The following SEMA5A variants were observed in gnomAD, a reference collection of about 807,000 sequenced individuals.
SEMA5A encodes semaphorin-5A.
Under a neutral mutation model 135.5 loss-of-function variants are expected in SEMA5A, and 55 were observed. The observed-to-expected ratio is 0.41, with a 90% CI of 0.33 to 0.51. The LOEUF is 0.51. Among genes scored for constraint, SEMA5A ranks in the 20% least tolerant of loss-of-function variants. The probability of loss-of-function intolerance (pLI) is 0.37; values close to 1 mark genes in which losing one functional copy is unlikely to be tolerated. For synonymous variants in SEMA5A, 580 were observed against 546.5 expected (o/e 1.06, Z -0.85); for missense variants, 1,290 against 1,419.9 (o/e 0.91, Z 1.47).
chr5:9,386,541 A>G (rs1561210166), intron 2 of SEMA5A, among the ~76,000 whole-genome samples: 1 of 152,104 alleles, frequency 6.6e-6, no homozygotes, highest in Non-Finnish European at 1.5e-5. Flanking sequence ...TGCTGATGTC[A>G]TGAGCCCCTC....
intron 22 of SEMA5A, among the ~76,000 whole-genome samples, chr5:9,043,872 G>A (rs1447063506): frequency 6.6e-6 from 1 of 152,252 alleles, no homozygotes; most frequent in Non-Finnish European, 1.5e-5. Flanking sequence ...AAGCTGATGT[G>A]TTGGAATCAT....
chr5:9,353,088 GGAAAGGAA>G (rs1754211886), intron 3 of SEMA5A, among the ~76,000 whole-genome samples: 1 of 15,736 alleles, frequency 6.4e-5, no homozygotes, highest in Admixed American at 8.9e-4. Flanking sequence ...GGAAAGGAAA[GGAAAGGAA>G]GGAAGGAAAG....
chr5:9,285,869 T>G (rs1033255310), intron 5 of SEMA5A, among the ~76,000 whole-genome samples: 12 of 152,260 alleles, frequency 7.9e-5, no homozygotes, highest in African/African-American at 2.9e-4. Flanking sequence ...TAATTTATTG[T>G]CTATTTCAAA....
intron 3 of SEMA5A, among the ~76,000 whole-genome samples, chr5:9,353,008 T>G (rs976783495): frequency 3.5e-5 from 5 of 143,910 alleles, no homozygotes; most frequent in Admixed American, 1.5e-4. Flanking sequence ...ATGCTAAGCA[T>G]AGTGTTTTAG....
intron 1 of SEMA5A, among the ~76,000 whole-genome samples, chr5:9,492,671 A>G (rs1579629330): frequency 6.6e-6 from 1 of 152,248 alleles, no homozygotes; most frequent in Admixed American, 6.5e-5. Flanking sequence ...ATACCATGGA[A>G]TATTAGCCTG....
chr5:9,089,924 T>C (rs538273846), intron 16 of SEMA5A, among the ~76,000 whole-genome samples: 1 of 152,324 alleles, frequency 6.6e-6, no homozygotes, highest in East Asian at 1.9e-4. Context: ...CTCTTAATCT[T>C]GTTAACATAA....
At chr5:9,533,325 A>G (rs375764424) in intron 1 of SEMA5A, among the ~76,000 whole-genome samples, 53 of 152,346 alleles carry the variant, frequency 3.5e-4, no homozygotes, top group African/African-American at 1.3e-3. Flanking sequence ...GGAATGCAGG[A>G]AAGGAGTCAA....
chr5:9,179,577 A>G (rs937910597), intron 11 of SEMA5A, among the ~76,000 whole-genome samples: 3 of 152,232 alleles, frequency 2.0e-5, no homozygotes, highest in Admixed American at 1.3e-4. Context: ...TTCAGAAAAC[A>G]TGTTTAAAAG....
chr5:9,375,067 G>A (rs1755306540), intron 3 of SEMA5A, among the ~76,000 whole-genome samples: 2 of 152,086 alleles, frequency 1.3e-5, no homozygotes, highest in African/African-American at 4.8e-5. Context: ...TTATGTCCTT[G>A]CATGACTGAC....
chr5:9,146,809 A>G (rs1169627802), intron 12 of SEMA5A, among the ~76,000 whole-genome samples: 2 of 152,202 alleles, frequency 1.3e-5, no homozygotes, highest in African/African-American at 4.8e-5. Flanking sequence ...AAAGGAATTA[A>G]TTACAAAAAA....
chr5:9,153,372 G>A (rs1167624550), intron 12 of SEMA5A, among the ~76,000 whole-genome samples: 2 of 152,182 alleles, frequency 1.3e-5, no homozygotes, highest in African/African-American at 4.8e-5. Flanking sequence ...GGTGTGTGAT[G>A]TATACAGTAC....
At chr5:9,291,944 C>T (rs977802163) in intron 5 of SEMA5A, among the ~76,000 whole-genome samples, 1 of 152,086 alleles carries the variant, frequency 6.6e-6, no homozygotes, top group Non-Finnish European at 1.5e-5. Flanking sequence ...AGTCAAGATT[C>T]TCTCCCTGCC....
intron 5 of SEMA5A, among the ~76,000 whole-genome samples, chr5:9,255,158 A>G (rs1289685456): frequency 2.6e-5 from 4 of 152,188 alleles, no homozygotes; most frequent in Non-Finnish European, 4.4e-5. Flanking sequence ...AACATTCCTT[A>G]TCTTGATTTT....
At chr5:9,475,029 C>T (rs921085713) in intron 1 of SEMA5A, among the ~76,000 whole-genome samples, 1 of 152,236 alleles carries the variant, frequency 6.6e-6, no homozygotes, top group Non-Finnish European at 1.5e-5. Context: ...GCAACCTCCA[C>T]CTTCCAGGTT....
In SEMA5A at chr5:9,118,686, C is replaced by A. The variant is rs192381356; in HGVS notation, c.1925+312G>T. ...GTTAAATTCTCACAAGAGTAAGTCT[C>A]CTGCAGACGTACTTCCAGAGTCTCC... On this transcript the variant is annotated intron_variant, in intron 15 of 22. Transcript: ENST00000382496. 4.6e-5 allele frequency among the ~76,000 whole-genome samples: 7 copies of A among 152,254 alleles called. No individual in the cohort carries two copies. In the East Asian group the frequency reaches 1.4e-3, roughly 29 times the overall value.
chr5:9,043,277 G>T, intron 22 of SEMA5A: 1 of 325,346 alleles, frequency 3.1e-6, no homozygotes. Context: ...AGAAGCAGGA[G>T]GTAAGAAAAT....
At chr5:9,520,159 T>A (rs1030098030) in intron 1 of SEMA5A, among the ~76,000 whole-genome samples, 1 of 152,138 alleles carries the variant, frequency 6.6e-6, no homozygotes, top group African/African-American at 2.4e-5. Flanking sequence ...AGAACCATTC[T>A]CCAAGTGCTG....
intron 2 of SEMA5A, among the ~76,000 whole-genome samples, chr5:9,426,384 C>T (rs1036936224): frequency 6.9e-6 from 1 of 144,052 alleles, no homozygotes; most frequent in African/African-American, 2.6e-5. Context: ...GAGATCACGC[C>T]ACTGCACTCC....
intron 3 of SEMA5A, among the ~76,000 whole-genome samples, chr5:9,365,382 T>C (rs1754871407): frequency 6.6e-6 from 1 of 152,114 alleles, no homozygotes; most frequent in Admixed American, 6.5e-5. Context: ...CCATCAACAT[T>C]TTGAATAAAG....
Sources: allele counts gnomAD v4.1 joint callset (sites outside exome capture counted in the v4.1 genomes callset), GRCh38; gene constraint gnomAD v4.1.1; transcripts MANE v1.5; gene names NCBI Gene and HGNC (gene_info 2026-07-23, HGNC 2026-07-21).